The following RHOBTB3 variants were observed in gnomAD, a reference collection of about 807,000 sequenced individuals.
RHOBTB3 encodes Rho related BTB domain containing 3, also known as rho-related BTB domain-containing protein 3.
In RHOBTB3, 47 loss-of-function variants were observed where a neutral mutation model predicts 67.2. The observed-to-expected ratio is 0.70, with a 90% CI of 0.55 to 0.89. RHOBTB3 has a LOEUF of 0.89. Ranked by LOEUF, RHOBTB3 falls within the 40% of genes least tolerant of loss-of-function variation. The pLI, the probability that RHOBTB3 is intolerant of heterozygous loss-of-function variation, is 0.00. For synonymous variants in RHOBTB3, 273 were observed against 274.2 expected, an observed-to-expected ratio of 1.00 and a Z score of 0.04; for missense variants, 631 against 750.0, an observed-to-expected ratio of 0.84 and a Z score of 1.85.
rs183995094 is a variant in RHOBTB3 at position 95,780,737 on chromosome 5, C to T, written c.1456+312C>T. The stretch of plus-strand genomic sequence containing the variant: ...GGTGTCTTGTGGTACCCATGGCTAC[C>T]GTAATTCTAGAGATCGGGGCAGATT... On this transcript the variant is annotated intron_variant, in intron 9 of 11. Transcript: ENST00000379982. 2.6e-3 allele frequency among the ~76,000 whole-genome samples: 391 copies of T among 152,262 alleles called. 3 individuals carry two copies. The highest frequency in any genetic ancestry group is 8.9e-3 in the African/African-American group (368 of 41,548).
intron 11 of RHOBTB3, among the ~76,000 whole-genome samples, chr5:95,790,142 T>G (rs962253003): frequency 6.6e-6 from 1 of 152,234 alleles, no homozygotes; most frequent in Non-Finnish European, 1.5e-5. Context: ...AGTCAACTAT[T>G]AGTACAGTAG....
At chr5:95,722,260 T>C (rs1458198800) in intron 1 of RHOBTB3, among the ~76,000 whole-genome samples, 1 of 152,116 alleles carries the variant, frequency 6.6e-6, no homozygotes, top group Non-Finnish European at 1.5e-5. Flanking sequence ...ATGAGCCAAA[T>C]TATAGCAATA....
intron 7 of RHOBTB3, among the ~76,000 whole-genome samples, chr5:95,763,892 T>C (rs116776143): frequency 0.015 from 2,257 of 151,978 alleles, 52 homozygotes; most frequent in African/African-American, 0.052. Context: ...TACTGCAGCC[T>C]CCACCTCCTG....
At chr5:95,750,598 A>G (rs1028365757) in intron 4 of RHOBTB3, among the ~76,000 whole-genome samples, 1 of 152,224 alleles carries the variant, frequency 6.6e-6, no homozygotes, top group African/African-American at 2.4e-5. Flanking sequence ...TGCTAGGACT[A>G]TGCTCCCAAA....
At chr5:95,764,171 T>C (rs1239554546) in intron 7 of RHOBTB3, among the ~76,000 whole-genome samples, 2 of 152,164 alleles carry the variant, frequency 1.3e-5, no homozygotes, top group Non-Finnish European at 2.9e-5. Context: ...TTTAAAATGC[T>C]CGTTTGCGAA....
chr5:95,748,385 T>C lies in RHOBTB3; in HGVS notation c.468T>C (p.Val156=). The C allele has an allele frequency of 6.2e-7, 1 of 1,613,540 alleles. No homozygotes were observed. Among genetic ancestry groups the C allele is most frequent in the Non-Finnish European group, 8.5e-7 (1 of 1,179,514 alleles). Residue 156 remains valine (V), a synonymous_variant, in exon 4 of 12, where the codon GTT becomes GTC. Coordinates refer to ENST00000379982, the MANE Select transcript of RHOBTB3 (RefSeq NM_014899.4). The stretch of plus-strand genomic sequence containing the variant: ...GTACCTCAGACAGAGGGAGCTGTGT[T>C]AGTACAACTGAAGGGATCCAACTTG... ...PLCTSDRGSC[V]STTEGIQLAK... is the part of the protein sequence containing the mutation.
chr5:95,731,297 C>T (rs918086829), upstream of RHOBTB3: 21 of 1,040,406 alleles, frequency 2.0e-5, no homozygotes, highest in Non-Finnish European at 2.4e-5. Flanking sequence ...TCCCCGACCC[C>T]CCTTCTCTGC....
In RHOBTB3 at chr5:95,776,614, T is replaced by C. The variant is rs145198979; in HGVS notation, c.1283-3638T>C. 1.6e-3 allele frequency among the ~76,000 whole-genome samples: 242 copies of C among 152,274 alleles called. 1 individual carries two copies. Among genetic ancestry groups the C allele is most frequent in the African/African-American group, 5.6e-3 (231 of 41,560 alleles). On this transcript the variant is annotated intron_variant, in intron 8 of 11. Coordinates refer to ENST00000379982, the MANE Select transcript of RHOBTB3 (RefSeq NM_014899.4). ...AATGAGAATGGAATCTATGGAACAA[T>C]TTAGACCAGAACTGATATACTGAGG...
At chr5:95,778,848 G>A (rs567322832) in intron 8 of RHOBTB3, among the ~76,000 whole-genome samples, 2 of 152,352 alleles carry the variant, frequency 1.3e-5, no homozygotes, top group African/African-American at 2.4e-5. Context: ...CCAGTGAGGC[G>A]AGGAGGGGAG....
intron 3 of RHOBTB3, 134 bp downstream of exon 3, chr5:95,737,209 T>C: frequency 1.7e-6 from 1 of 577,698 alleles, no homozygotes; most frequent in East Asian, 3.2e-5. Flanking sequence ...CCAGCTGCTA[T>C]CGCTTCATCA....
intron 6 of RHOBTB3, among the ~76,000 whole-genome samples, chr5:95,757,210 AAGT>A (rs1745272598): frequency 6.6e-6 from 1 of 152,206 alleles, no homozygotes; most frequent in South Asian, 2.1e-4. Context: ...TTAAAGATGG[AAGT>A]TCTATCTGAG....
chr5:95,785,435 C>CA (rs113404929), intron 10 of RHOBTB3, among the ~76,000 whole-genome samples: 31,144 of 150,818 alleles, frequency 0.21, 3,262 homozygotes, highest in South Asian at 0.27. Flanking sequence ...ACTAAAAATA[C>CA]AAAAAAAAAT....
chr5:95,779,775 A>AC (rs1209329296), intron 8 of RHOBTB3, among the ~76,000 whole-genome samples: 2 of 152,136 alleles, frequency 1.3e-5, no homozygotes, highest in Non-Finnish European at 2.9e-5. Context: ...ACTGTGGTGT[A>AC]CGGACAGCTT....
intron 3 of RHOBTB3, 89 bp downstream of exon 3, chr5:95,737,164 T>A: frequency 1.1e-6 from 1 of 925,836 alleles, no homozygotes. Flanking sequence ...ATAATAGGGT[T>A]TGTTTTTGAA....
chr5:95,734,900 AC>A (rs1404812851), intron 2 of RHOBTB3, among the ~76,000 whole-genome samples: 1 of 152,138 alleles, frequency 6.6e-6, no homozygotes, highest in African/African-American at 2.4e-5. Context: ...TTCCCCGGAT[AC>A]CTCTCCAGTA....
rs183222273 is a variant in RHOBTB3, at chr5:95,793,177, T to A, written c.*3T>A. ...AATGTCGTTGCTTAGTAATGTAACCTGGAGCTTTTATACACTACATTTCTT... is the reference window on the plus strand; with the variant it reads ...AATGTCGTTGCTTAGTAATGTAACCAGGAGCTTTTATACACTACATTTCTT... On this transcript the variant is annotated 3_prime_UTR_variant, in exon 12 of 12. Transcript: ENST00000379982. 3.0e-4 allele frequency: 474 copies of A among 1,570,614 alleles called. 2 individuals are homozygous for A. In the African/African-American group the frequency reaches 6.0e-3, roughly 20 times the overall value.
At chr5:95,734,469 T>G (rs1755406389) in intron 2 of RHOBTB3, among the ~76,000 whole-genome samples, 1 of 152,158 alleles carries the variant, frequency 6.6e-6, no homozygotes, top group South Asian at 2.1e-4. Context: ...AAGAGATGTG[T>G]TGTTGTTGCC....
intron 1 of RHOBTB3, among the ~76,000 whole-genome samples, chr5:95,718,881 A>C (rs1457069399): frequency 6.6e-6 from 1 of 152,170 alleles, no homozygotes; most frequent in African/African-American, 2.4e-5. Context: ...CCAGGAGAGC[A>C]CAAGCAGGGA....
chr5:95,732,466 C>A (rs1030067644), intron 2 of RHOBTB3: 3 of 388,772 alleles, frequency 7.7e-6, no homozygotes, highest in Admixed American at 4.3e-5. Context: ...TATTGGTGTT[C>A]TAAAAATACA....
Sources: gnomAD v4.1 joint callset for allele counts (sites outside exome capture counted in the v4.1 genomes callset) on GRCh38, gnomAD v4.1.1 for gene constraint, MANE v1.5 for transcripts, NCBI Gene and HGNC (gene_info 2026-07-23, HGNC 2026-07-21) for gene names.